EIF4E3: variants seen among roughly 807,000 people sequenced by gnomAD.
EIF4E3 encodes the protein eukaryotic translation initiation factor 4E type 3.
In EIF4E3, 26 loss-of-function variants were observed where a neutral mutation model predicts 31.7. The observed-to-expected ratio is 0.82, with a 90% CI of 0.60 to 1.14. The LOEUF (loss-of-function observed/expected upper bound fraction) is 1.14. Ranked by LOEUF, EIF4E3 falls within the 50% of genes most tolerant of loss-of-function variation. The probability of loss-of-function intolerance (pLI) is 0.00; values close to 1 mark genes in which losing one functional copy is unlikely to be tolerated. For missense variants in EIF4E3, 304 were observed against 270.9 expected, an observed-to-expected ratio of 1.12 and a Z score of -0.86; for synonymous variants, 128 against 107.7, an observed-to-expected ratio of 1.19 and a Z score of -1.17.
chr3:71,730,982 C>T (rs1236637679), intron 1 of EIF4E3, among the ~76,000 whole-genome samples: 2 of 152,180 alleles, frequency 1.3e-5, no homozygotes, highest in South Asian at 2.1e-4. Context: ...CAACAGCCTT[C>T]CAAAATGCTG....
At chr3:71,720,440 C>A (rs767820425) in intron 1 of EIF4E3, among the ~76,000 whole-genome samples, 15 of 152,008 alleles carry the variant, frequency 9.9e-5, no homozygotes, top group Non-Finnish European at 1.6e-4. Context: ...AGAGATCCTC[C>A]CTCCTCAGCC....
chr3:71,681,255 T>TA lies in EIF4E3; in HGVS notation c.*3426dup. ...TTAAGAGCAAAATGCAGTAGGATCT[T>TA]AAAAAAATTCTACAAACATAGCTGG... On this transcript the variant is annotated 3_prime_UTR_variant, in exon 7 of 7. Transcript: ENST00000425534. 1 of 152,276 alleles carries TA rather than the reference T, an allele frequency of 6.6e-6. No individual in the cohort carries two copies. The highest frequency in any genetic ancestry group is 3.4e-3 in the Middle Eastern group (1 of 294). The allele number at this position is 152,276 out of a possible 1,614,324, so 9.4% of individuals were successfully genotyped here.
chr3:71,705,457 T>C (rs2049278713), intron 2 of EIF4E3, among the ~76,000 whole-genome samples: 3 of 152,214 alleles, frequency 2.0e-5, no homozygotes, highest in Non-Finnish European at 2.9e-5. Context: ...AGGAAGACTT[T>C]CTGCTTATGA....
At chr3:71,692,754 C>G (rs1334632123) in intron 5 of EIF4E3, among the ~76,000 whole-genome samples, 1 of 152,076 alleles carries the variant, frequency 6.6e-6, no homozygotes, top group Non-Finnish European at 1.5e-5. Flanking sequence ...TCACTATGCC[C>G]AGCTAATTTT....
chr3:71,702,409 C>T (rs764821218), intron 2 of EIF4E3, among the ~76,000 whole-genome samples: 4 of 152,144 alleles, frequency 2.6e-5, no homozygotes, highest in African/African-American at 9.7e-5. Flanking sequence ...CGTCATACCC[C>T]GGTCAAAGTT....
chr3:71,725,341 G>T lies in EIF4E3; in HGVS notation c.27C>A (p.Pro9=), dbSNP rs2049618967. The T allele has an allele frequency of 1.0e-6, 1 of 973,330 alleles. No individual in the cohort carries two copies. Among genetic ancestry groups the T allele is most frequent in the South Asian group, 4.6e-5 (1 of 21,854 alleles). 60.3% of individuals were successfully genotyped at this position (973,330 alleles called of 1,614,324 possible). A position where few individuals can be genotyped will look rare whatever the true frequency, so the allele number is the denominator to read the frequency against. The change falls in exon 1 of 7, where the codon CCC becomes CCA. Residue 9 remains proline (P), a synonymous_variant. Transcript: ENST00000425534. The surrounding 1 kb of genome is among the most constrained non-coding windows in gnomAD (Gnocchi z 6.1). ...CCGGCGGCTCCCGGGCCCCGGCGGG[G>T]GGCGCGGCGGCCGGGGGCAGCGCCA... The part of the protein sequence containing the change: MALPPAAA[P]PAGAREPPGS...
downstream of EIF4E3, among the ~76,000 whole-genome samples, chr3:71,672,423 G>A (rs939084174): frequency 2.6e-5 from 4 of 152,158 alleles, no homozygotes; most frequent in African/African-American, 4.8e-5. Context: ...CAGCTGAAAT[G>A]TGTTTTAATA....
At chr3:71,719,611 A>G (rs553547247) in intron 1 of EIF4E3, among the ~76,000 whole-genome samples, 4 of 152,226 alleles carry the variant, frequency 2.6e-5, no homozygotes, top group African/African-American at 9.6e-5. Flanking sequence ...CTCTGGAGTC[A>G]CAGACATAAG....
At chr3:71,696,395 C>T (rs1272128330) in intron 4 of EIF4E3, 65 bp downstream of exon 4, 2 of 1,577,782 alleles carry the variant, frequency 1.3e-6, no homozygotes, top group Non-Finnish European at 1.7e-6. Context: ...GCACAAAATG[C>T]TGATGACAGG....
intron 6 of EIF4E3, among the ~76,000 whole-genome samples, chr3:71,689,190 T>C (rs2049030646): frequency 6.6e-6 from 1 of 152,212 alleles, no homozygotes; most frequent in Admixed American, 6.5e-5. Flanking sequence ...GAGCATTTTA[T>C]CTTCAAGAGC....
chr3:71,699,165 T>C (rs1041964954), intron 3 of EIF4E3, among the ~76,000 whole-genome samples: 2 of 152,082 alleles, frequency 1.3e-5, no homozygotes, highest in African/African-American at 2.4e-5. Flanking sequence ...AGGTCAAGGC[T>C]GTGGTGAGCC....
At chr3:71,738,978 G>GCA in intron 1 of EIF4E3, among the ~76,000 whole-genome samples, 1 of 95,818 alleles carries the variant, frequency 1.0e-5, no homozygotes, top group East Asian at 3.2e-4. Flanking sequence ...AAATTGAACA[G>GCA]TATATATATA....
chr3:71,688,909 T>C (rs2049027337), intron 6 of EIF4E3, among the ~76,000 whole-genome samples: 1 of 152,212 alleles, frequency 6.6e-6, no homozygotes, highest in African/African-American at 2.4e-5. Flanking sequence ...TCTAGGTCAT[T>C]TGGCCTGTAA....
At chr3:71,670,414 C>G (rs1054093175), downstream of EIF4E3, among the ~76,000 whole-genome samples, 11 of 152,044 alleles carry the variant, frequency 7.2e-5, no homozygotes, top group African/African-American at 2.2e-4. Flanking sequence ...TCCATTGCAC[C>G]CCCCCAACCC....
At chr3:71,754,186 A>G, upstream of EIF4E3, 1 of 1,436,196 alleles carries the variant, frequency 7.0e-7, no homozygotes, top group Non-Finnish European at 9.2e-7. This position sits in a 1 kb window ranked among gnomAD's most constrained non-coding sequence, Gnocchi z 5.8. Context: ...ATCGTGCGGG[A>G]GCGCAGCCTG....
intron 3 of EIF4E3, among the ~76,000 whole-genome samples, 189 bp downstream of exon 3, chr3:71,699,425 T>C (rs2049183836): frequency 6.6e-6 from 1 of 152,186 alleles, no homozygotes; most frequent in Non-Finnish European, 1.5e-5. Flanking sequence ...TAACTTACTG[T>C]CCATCTTCAT....
At chr3:71,708,253 A>G (rs1205369739) in intron 2 of EIF4E3, among the ~76,000 whole-genome samples, 1 of 152,108 alleles carries the variant, frequency 6.6e-6, no homozygotes, top group African/African-American at 2.4e-5. Flanking sequence ...TTATTCCATC[A>G]ATATAAAATT....
At chr3:71,742,842 A>G (rs1376437446) in intron 1 of EIF4E3, among the ~76,000 whole-genome samples, 1 of 152,182 alleles carries the variant, frequency 6.6e-6, no homozygotes, top group African/African-American at 2.4e-5. Flanking sequence ...AAGTCAATCA[A>G]TACAATTCAC....
chr3:71,735,938 A>G (rs928057624), intron 1 of EIF4E3, among the ~76,000 whole-genome samples: 2 of 152,222 alleles, frequency 1.3e-5, no homozygotes, highest in Admixed American at 1.3e-4. Flanking sequence ...AAATCTACAA[A>G]GAAATTTTTT....
Sources: allele counts gnomAD v4.1 joint callset (sites outside exome capture counted in the v4.1 genomes callset), GRCh38; gene constraint gnomAD v4.1.1; non-coding constraint Gnocchi (gnomAD v3.1); transcripts MANE v1.5; gene names NCBI Gene and HGNC (gene_info 2026-07-23, HGNC 2026-07-21).